Variants in C2CD5 observed in about 807,000 individuals in gnomAD.
C2CD5 encodes C2 calcium dependent domain containing 5.
In C2CD5, 109 loss-of-function variants were observed where a neutral mutation model predicts 130.3. The ratio of observed to expected loss-of-function variants is 0.84; its 90% CI spans 0.72 to 0.98. The LOEUF (loss-of-function observed/expected upper bound fraction) is 0.98, where lower values mean the gene tolerates loss of function less well. C2CD5 is among the 50% of genes least tolerant of loss of function. The pLI is 0.00. For missense variants in C2CD5, 996 were observed against 1,261.8 expected (o/e 0.79, Z 3.19); for synonymous variants, 454 against 429.2 (o/e 1.06, Z -0.71).
chr12:22,538,957 T>A (rs575755919), intron 2 of C2CD5, among the ~76,000 whole-genome samples: 10 of 152,290 alleles, frequency 6.6e-5, no homozygotes, highest in African/African-American at 2.4e-4. Context: ...TATCCCCCTT[T>A]TCCTGCATTA....
intron 10 of C2CD5, among the ~76,000 whole-genome samples, chr12:22,505,327 G>T (rs1025959677): frequency 7.0e-6 from 1 of 143,102 alleles, no homozygotes; most frequent in Non-Finnish European, 1.5e-5. Context: ...GCACAATCTC[G>T]GCTCACTGCA....
chr12:22,518,931 C>T, intron 7 of C2CD5: 2 of 459,668 alleles, frequency 4.4e-6, no homozygotes, highest in Non-Finnish European at 7.6e-6. Flanking sequence ...ACCTTCACTT[C>T]CATATAGTTA....
At chr12:22,455,932 G>A (rs1939768173) in intron 25 of C2CD5, among the ~76,000 whole-genome samples, 1 of 152,238 alleles carries the variant, frequency 6.6e-6, no homozygotes, top group Non-Finnish European at 1.5e-5. Flanking sequence ...CAATCTACCC[G>A]CCTCAGCCTC....
chr12:22,475,103 T>C (rs542656038), intron 15 of C2CD5, among the ~76,000 whole-genome samples: 5 of 152,136 alleles, frequency 3.3e-5, no homozygotes, highest in African/African-American at 1.2e-4. Context: ...TATATAACTG[T>C]CACAGACATA....
intron 22 of C2CD5, among the ~76,000 whole-genome samples, chr12:22,461,192 A>AC (rs1941077953): frequency 6.6e-6 from 1 of 152,208 alleles, no homozygotes; most frequent in African/African-American, 2.4e-5. Flanking sequence ...AGACTGGGAC[A>AC]CCAACTGTCC....
chr12:22,499,375 T>C (rs770458552), intron 10 of C2CD5, among the ~76,000 whole-genome samples: 3 of 152,228 alleles, frequency 2.0e-5, no homozygotes, highest in African/African-American at 7.2e-5. Flanking sequence ...AATTGTGGCT[T>C]AGCCACTTTC....
At chr12:22,540,468 A>G (rs1952255995) in intron 2 of C2CD5, among the ~76,000 whole-genome samples, 1 of 152,250 alleles carries the variant, frequency 6.6e-6, no homozygotes, top group Non-Finnish European at 1.5e-5. Context: ...CCCAGCATCC[A>G]GTACAGTGTC....
intron 22 of C2CD5, among the ~76,000 whole-genome samples, chr12:22,462,322 AAC>A (rs1941318352): frequency 6.6e-6 from 1 of 152,192 alleles, no homozygotes; most frequent in Non-Finnish European, 1.5e-5. Flanking sequence ...TCTAGCTGCA[AAC>A]AGTCTCAATT....
At chr12:22,504,957 G>A (rs1369488620) in intron 10 of C2CD5, among the ~76,000 whole-genome samples, 1 of 151,830 alleles carries the variant, frequency 6.6e-6, no homozygotes, top group Non-Finnish European at 1.5e-5. Context: ...ATAAGAAACG[G>A]GGGGAAAAAA....
chr12:22,517,000 T>G (rs1949790319), intron 8 of C2CD5, among the ~76,000 whole-genome samples: 1 of 151,918 alleles, frequency 6.6e-6, no homozygotes, highest in Admixed American at 6.6e-5. Context: ...ATCTTTATAT[T>G]TTACGACTTC....
chr12:22,490,971 G>C (rs1439204663), intron 11 of C2CD5, among the ~76,000 whole-genome samples: 1 of 152,146 alleles, frequency 6.6e-6, no homozygotes. Context: ...CACTTGAACT[G>C]TAAATAAAAT....
At chr12:22,524,329 C>T (rs1006993221) in intron 6 of C2CD5, 143 bp downstream of exon 6, 2 of 655,036 alleles carry the variant, frequency 3.1e-6, no homozygotes, top group African/African-American at 1.8e-5. Context: ...CAAGTGTGTT[C>T]AGGAAGACTG....
chr12:22,484,684 T>G lies in C2CD5; in HGVS notation c.1550+13A>C. On this transcript the variant is annotated intron_variant, in intron 13 of 26. Coordinates refer to ENST00000446597, the MANE Select transcript of C2CD5 (RefSeq NM_001286176.2). ...TTTTTCAGGGACACCGAGTGTTGTT[T>G]TCACAAACATACCTTGCTTGAATAA... The G allele has an allele frequency of 6.7e-7, 1 of 1,492,820 alleles. No homozygotes were observed. Among genetic ancestry groups the G allele is most frequent in the East Asian group, 2.5e-5 (1 of 40,766 alleles). The allele number at this position is 1,492,820 out of a possible 1,614,324, so 92.5% of individuals were successfully genotyped here. A position where few individuals can be genotyped will look rare whatever the true frequency, so the allele number is the denominator to read the frequency against.
intron 22 of C2CD5, chr12:22,460,726 C>G (rs2136044731): frequency 6.6e-6 from 1 of 152,148 alleles, no homozygotes; most frequent in South Asian, 2.1e-4. Flanking sequence ...TACAGGCACC[C>G]ACCACCACGC....
At chr12:22,530,741 G>C (rs2137153652) in intron 3 of C2CD5, among the ~76,000 whole-genome samples, 1 of 152,156 alleles carries the variant, frequency 6.6e-6, no homozygotes, top group South Asian at 2.1e-4. Context: ...ATAGCTGTGA[G>C]CCACTGCACC....
chr12:22,452,237 T>C (rs768892291), intron 26 of C2CD5, among the ~76,000 whole-genome samples: 15 of 152,206 alleles, frequency 9.9e-5, no homozygotes, highest in Admixed American at 2.0e-4. Context: ...CAAGATCTAA[T>C]AGATGCGTTC....
chr12:22,518,860 C>T (rs1027438346), intron 7 of C2CD5, among the ~76,000 whole-genome samples: 4 of 152,134 alleles, frequency 2.6e-5, no homozygotes, highest in Non-Finnish European at 5.9e-5. Context: ...ATTCACAGTA[C>T]ACACATACAA....
At chr12:22,530,111 T>C (rs7137514) in intron 3 of C2CD5, among the ~76,000 whole-genome samples, 3,972 of 87,192 alleles carry the variant, frequency 0.046, 147 homozygotes, top group African/African-American at 0.11. Flanking sequence ...TATATATATA[T>C]ACACACACAC....
chr12:22,499,454 C>T (rs1947467504), intron 10 of C2CD5, among the ~76,000 whole-genome samples: 1 of 152,156 alleles, frequency 6.6e-6, no homozygotes, highest in African/African-American at 2.4e-5. Context: ...GAGTCGACCT[C>T]AGAGATCTGT....
Sources: allele counts gnomAD v4.1 joint callset (sites outside exome capture counted in the v4.1 genomes callset), GRCh38; gene constraint gnomAD v4.1.1; transcripts MANE v1.5; gene names NCBI Gene and HGNC (gene_info 2026-07-23, HGNC 2026-07-21).